The following KCTD1 variants were observed in gnomAD, a reference collection of about 807,000 sequenced individuals.
KCTD1 encodes potassium channel tetramerization domain containing 1, also known as BTB/POZ domain-containing protein KCTD1.
Under a neutral mutation model 66.0 loss-of-function variants are expected in KCTD1, and 24 were observed. The ratio of observed to expected loss-of-function variants is 0.36; its 90% CI spans 0.26 to 0.51. KCTD1 has a LOEUF of 0.51. Among genes scored for constraint, KCTD1 ranks in the 20% least tolerant of loss-of-function variants. The probability of loss-of-function intolerance (pLI) is 0.95; values close to 1 mark genes in which losing one functional copy is unlikely to be tolerated. For missense variants in KCTD1, 943 were observed against 1,205.2 expected, an observed-to-expected ratio of 0.78 and a Z score of 3.22; for synonymous variants, 511 against 517.2, an observed-to-expected ratio of 0.99 and a Z score of 0.16.
At chr18:26,487,112 C>A (rs939290294) in intron 2 of KCTD1, among the ~76,000 whole-genome samples, 3 of 152,146 alleles carry the variant, frequency 2.0e-5, no homozygotes, top group African/African-American at 7.2e-5. Context: ...CACACGACTT[C>A]ATTGATGGTA....
chr18:26,513,523 G>GAGT (rs1437453759), intron 1 of KCTD1, among the ~76,000 whole-genome samples: 14 of 152,292 alleles, frequency 9.2e-5, no homozygotes, highest in African/African-American at 3.1e-4. Flanking sequence ...TGTTGACATG[G>GAGT]AGTAAGGTAC....
chr18:26,598,524 G>A (rs1986820715), intron 1 of KCTD1, among the ~76,000 whole-genome samples: 1 of 151,392 alleles, frequency 6.6e-6, no homozygotes. Context: ...GAGTACAAAT[G>A]TGGGGCCATA....
chr18:26,548,343 T>C lies in KCTD1; in HGVS notation c.194A>G (p.Glu65Gly). Residue 65 changes from glutamate to glycine, a missense_variant, in exon 1 of 5, where the codon GAG becomes GGG. Physicochemically the swap from Glu to Gly is moderately conservative, Grantham distance 98. Around this residue, in one of 10 missense-constraint regions of KCTD1, gnomAD observed 236 missense variants for 206.6 expected, o/e 1.14. Coordinates refer to ENST00000580059, the MANE Select transcript of KCTD1 (RefSeq NM_001142730.3). ...EEEEEEEEED[E>G]IQEVQITGDE... ...CCCCGTTATCTGCACCTCCTGGATC[T>C]CGTCCTCCTCCTCCTCTTCCTCCTC... is the stretch of plus-strand genomic sequence containing the variant. 6.7e-7 allele frequency: 1 copy of C among 1,489,570 alleles called. No individual in the cohort carries two copies. The allele number at this position is 1,489,570 out of a possible 1,614,324, so 92.3% of individuals were successfully genotyped here. A position where few individuals can be genotyped will look rare whatever the true frequency, so the allele number is the denominator to read the frequency against.
intron 1 of KCTD1, among the ~76,000 whole-genome samples, chr18:26,597,056 G>A (rs958023480): frequency 4.6e-5 from 7 of 152,036 alleles, no homozygotes; most frequent in African/African-American, 9.7e-5. Context: ...CTGGAGTCTC[G>A]GTGGGTAAAG....
chr18:26,617,670 T>C (rs115911675), intron 1 of KCTD1, among the ~76,000 whole-genome samples: 158 of 152,342 alleles, frequency 1.0e-3, no homozygotes, highest in African/African-American at 3.4e-3. Flanking sequence ...GGTTTTGGCA[T>C]GTATAATGCG....
At chr18:26,644,115 A>G (rs1287675632), upstream of KCTD1, among the ~76,000 whole-genome samples, 1 of 152,134 alleles carries the variant, frequency 6.6e-6, no homozygotes, top group Non-Finnish European at 1.5e-5. Flanking sequence ...TTTCCCCTAG[A>G]AAGTACACTC....
chr18:26,603,519 T>A (rs1986945264), intron 1 of KCTD1, among the ~76,000 whole-genome samples: 2 of 150,936 alleles, frequency 1.3e-5, no homozygotes, highest in Admixed American at 1.3e-4. Flanking sequence ...GGTGGGCGGA[T>A]CACCTGAGGC....
At chr18:26,635,351 G>A (rs747519278) in intron 1 of KCTD1, among the ~76,000 whole-genome samples, 6 of 152,200 alleles carry the variant, frequency 3.9e-5, no homozygotes, top group Non-Finnish European at 8.8e-5. Flanking sequence ...AAGAAGATAT[G>A]AATACAGAAT....
upstream of KCTD1, among the ~76,000 whole-genome samples, chr18:26,633,704 G>T (rs1202930431): frequency 6.6e-6 from 1 of 152,002 alleles, no homozygotes; most frequent in Admixed American, 6.6e-5. Flanking sequence ...ATAAGAAAAG[G>T]CAATTTATAG....
upstream of KCTD1, among the ~76,000 whole-genome samples, chr18:26,631,547 C>T (rs546291212): frequency 8.6e-4 from 131 of 152,230 alleles, 1 homozygote; most frequent in Middle Eastern, 3.4e-3. Flanking sequence ...TTGACTGAAG[C>T]ATCATTATAC....
At chr18:26,472,589 C>T (rs1012273721) in intron 3 of KCTD1, among the ~76,000 whole-genome samples, 7 of 152,150 alleles carry the variant, frequency 4.6e-5, no homozygotes, top group African/African-American at 9.7e-5. Flanking sequence ...AGAAATTGTT[C>T]CCCCACCTCT....
At chr18:26,491,144 T>C (rs144095362) in intron 2 of KCTD1, among the ~76,000 whole-genome samples, 53 of 152,260 alleles carry the variant, frequency 3.5e-4, no homozygotes, top group South Asian at 6.2e-4. Flanking sequence ...GTGTGTTCCA[T>C]GTAGGAGTGT....
intron 3 of KCTD1, among the ~76,000 whole-genome samples, chr18:26,462,621 A>G (rs1013147861): frequency 2.0e-5 from 3 of 152,222 alleles, no homozygotes; most frequent in Middle Eastern, 3.4e-3. Context: ...TGAAGTGCAC[A>G]TTGGCCATTC....
intron 1 of KCTD1, 139 bp downstream of exon 1, chr18:26,546,588 TC>T: frequency 3.0e-6 from 3 of 1,008,560 alleles, no homozygotes. Context: ...AGAGTTAACT[TC>T]TAAGGGTGAA....
chr18:26,555,816 G>A (rs1255940802), intron 1 of KCTD1, among the ~76,000 whole-genome samples: 2 of 152,184 alleles, frequency 1.3e-5, no homozygotes, highest in African/African-American at 4.8e-5. Flanking sequence ...TATCGATAAT[G>A]ATAGTGAAAT....
chr18:26,501,743 T>A (rs1466684790), intron 1 of KCTD1, among the ~76,000 whole-genome samples: 1 of 152,256 alleles, frequency 6.6e-6, no homozygotes, highest in African/African-American at 2.4e-5. Context: ...ACTTTCATTT[T>A]TCAAATCAGG....
At chr18:26,641,358 T>C (rs1212976251), upstream of KCTD1, among the ~76,000 whole-genome samples, 1 of 152,190 alleles carries the variant, frequency 6.6e-6, no homozygotes, top group East Asian at 1.9e-4. Context: ...ATTTTACTTG[T>C]ATAGTTTGGA....
At chr18:26,503,519 C>G (rs1183653186) in intron 1 of KCTD1, among the ~76,000 whole-genome samples, 1 of 152,130 alleles carries the variant, frequency 6.6e-6, no homozygotes, top group East Asian at 1.9e-4. Context: ...CACACAGGCA[C>G]ACACACACCT....
At chr18:26,627,307 T>C (rs1016325943) in intron 1 of KCTD1, among the ~76,000 whole-genome samples, 9 of 149,048 alleles carry the variant, frequency 6.0e-5, no homozygotes, top group African/African-American at 2.2e-4. Flanking sequence ...TGTGTGCCTA[T>C]AACAAAAGCT....
Sources: allele counts gnomAD v4.1 joint callset (sites outside exome capture counted in the v4.1 genomes callset), GRCh38; gene constraint gnomAD v4.1.1; regional missense constraint gnomAD v4.1.1; transcripts MANE v1.5; gene names NCBI Gene and HGNC (gene_info 2026-07-23, HGNC 2026-07-21).